The following SI variants were observed in gnomAD, a reference collection of about 807,000 sequenced individuals.
SI encodes the protein sucrase-isomaltase, intestinal.
A neutral mutation model predicts 253.3 loss-of-function variants in SI; 235 were observed. That is an observed-to-expected ratio of 0.93 (90% CI 0.83 to 1.03). SI has a LOEUF of 1.03. Ranked by LOEUF, SI falls within the 50% of genes least tolerant of loss-of-function variation. The probability of loss-of-function intolerance (pLI) is 0.00; values close to 1 mark genes in which losing one functional copy is unlikely to be tolerated. For missense variants in SI, 2,442 were observed against 2,211.1 expected (o/e 1.10, Z -2.09); for synonymous variants, 819 against 712.0 (o/e 1.15, Z -2.39).
intron 21 of SI, among the ~76,000 whole-genome samples, chr3:165,037,569 C>G (rs547553369): frequency 8.6e-5 from 13 of 151,918 alleles, no homozygotes; most frequent in African/African-American, 3.1e-4. Flanking sequence ...TAAAAATTAA[C>G]AAATACTTCA....
intron 22 of SI, 107 bp from the exon 23 acceptor site, chr3:165,033,551 T>A (rs1712360752): frequency 9.2e-7 from 1 of 1,081,524 alleles, no homozygotes; most frequent in Admixed American, 4.2e-5. Flanking sequence ...AGATGCTGTT[T>A]ATTAATGAAG....
chr3:165,028,970 C>G (rs770700790), intron 25 of SI, among the ~76,000 whole-genome samples: 2 of 151,486 alleles, frequency 1.3e-5, no homozygotes, highest in Non-Finnish European at 3.0e-5. Context: ...AAGGAACAGT[C>G]AGCAGAGTAA....
At chr3:165,025,526 G>T (rs933119539) in intron 25 of SI, among the ~76,000 whole-genome samples, 1 of 151,096 alleles carries the variant, frequency 6.6e-6, no homozygotes, top group Non-Finnish European at 1.5e-5. Context: ...TCGCAAAAAG[G>T]TCATTGCCTA....
chr3:165,040,046 T>C (rs1033480131), intron 18 of SI, 75 bp from the exon 19 acceptor site: 12 of 1,165,690 alleles, frequency 1.0e-5, no homozygotes, highest in Admixed American at 6.8e-5. Context: ...CAGTTTATCT[T>C]TTCAGTTTTT....
At chr3:165,059,146 T>A (rs1560012369) in intron 11 of SI, 22 bp downstream of exon 11, 1 of 1,611,974 alleles carries the variant, frequency 6.2e-7, no homozygotes, top group South Asian at 1.1e-5. Context: ...TAAAAATGTA[T>A]TAAGGTATAA....
chr3:165,040,526 G>A (rs1712764017), intron 18 of SI, among the ~76,000 whole-genome samples: 1 of 151,944 alleles, frequency 6.6e-6, no homozygotes, highest in Non-Finnish European at 1.5e-5. Flanking sequence ...GGATCTTTAA[G>A]TCATCACAGA....
At chr3:165,065,232 T>C (rs553242988) in intron 7 of SI, 29 bp downstream of exon 7, 1 of 1,468,092 alleles carries the variant, frequency 6.8e-7, no homozygotes, top group Non-Finnish European at 9.5e-7. Flanking sequence ...ATAGTGATTT[T>C]ATTTATAACA....
At chr3:164,992,069 CTCTTT>C in intron 43 of SI, 103 bp downstream of exon 43, 4 of 933,260 alleles carry the variant, frequency 4.3e-6, no homozygotes, top group Non-Finnish European at 7.1e-6. Context: ...TTACTTTCCA[CTCTTT>C]TTAAGTGGAA....
chr3:165,055,149 T>A (rs1346619420), intron 13 of SI, 45 bp downstream of exon 13: 4 of 1,088,012 alleles, frequency 3.7e-6, no homozygotes, highest in Non-Finnish European at 4.3e-6. Context: ...GATAAATAAG[T>A]CTATGGTCAT....
chr3:165,008,834 T>A (rs545510401), intron 35 of SI, among the ~76,000 whole-genome samples: 2 of 151,870 alleles, frequency 1.3e-5, no homozygotes, highest in Non-Finnish European at 2.9e-5. Flanking sequence ...ATTATTTTTA[T>A]GCTATCTAAA....
At position 165,037,994 on chromosome 3, in the gene SI, C is replaced by T. The variant is rs1166883862; in HGVS notation, c.2332G>A (p.Val778Ile). 6.2e-7 allele frequency: 1 copy of T among 1,604,322 alleles called. No homozygotes were observed. The highest frequency in any genetic ancestry group is 1.7e-5 in the Admixed American group (1 of 59,798). ...TTGTCTGCTGGAAGATACATATCAACCCGTTGTTTCCTCCATGGCCTTTTT... is the reference window on the plus strand; with the variant it reads ...TTGTCTGCTGGAAGATACATATCAATCCGTTGTTTCCTCCATGGCCTTTTT... ...GAKRPWRKQR[V>I]DMYLPADKIG... The change falls in exon 21 of 48, where the codon GTT (valine) becomes ATT (isoleucine). Residue 778 changes from valine (V) to isoleucine (I), a missense_variant. Transcript: ENST00000264382.
At chr3:164,987,076 C>T (rs766446162) in intron 45 of SI, 62 bp downstream of exon 45, 45 of 1,247,300 alleles carry the variant, frequency 3.6e-5, no homozygotes, top group African/African-American at 7.4e-5. Context: ...TAATAGATAA[C>T]GTAAAAGTAA....
At chr3:165,085,915 G>A in the SI span, among the ~76,000 whole-genome samples, 4 of 152,078 alleles carry the variant, frequency 2.6e-5, no homozygotes, top group Non-Finnish European at 4.4e-5. Context: ...CAGACTAATA[G>A]TTGGGGTTCA....
chr3:165,024,734 CA>C (rs1262089730), intron 25 of SI, among the ~76,000 whole-genome samples: 1 of 151,112 alleles, frequency 6.6e-6, no homozygotes, highest in Admixed American at 6.6e-5. Context: ...TTATTTTTCT[CA>C]TTTTTTTAGA....
At chr3:165,036,653 A>G (rs1313738168) in intron 21 of SI, among the ~76,000 whole-genome samples, 176 bp from the exon 22 acceptor site, 1 of 151,914 alleles carries the variant, frequency 6.6e-6, no homozygotes, top group Non-Finnish European at 1.5e-5. Context: ...CAATGTTCTT[A>G]TGTGAATACC....
At chr3:165,066,747 A>C (rs1714268684) in intron 6 of SI, among the ~76,000 whole-genome samples, 1 of 151,996 alleles carries the variant, frequency 6.6e-6, no homozygotes, top group Non-Finnish European at 1.5e-5. Flanking sequence ...ACAAAGTCAT[A>C]AACAAAAGTA....
In SI at chr3:165,069,322, G is replaced by A. The variant is rs1473364272; in HGVS notation, c.256-127C>T. The A allele has an allele frequency of 1.2e-5, 8 of 687,028 alleles. No homozygotes were observed. The East Asian group carries it at 1.9e-4, about 16-fold the overall frequency. 42.6% of individuals were successfully genotyped at this position (687,028 alleles called of 1,614,324 possible). On this transcript the variant is annotated intron_variant, in intron 3 of 47. Coordinates refer to ENST00000264382, the MANE Select transcript of SI (RefSeq NM_001041.4). The stretch of plus-strand genomic sequence containing the variant: ...TTCAAATGTATAATATGCCAAAATA[G>A]CATTTGCTCTTTTGTTTCTTCTACC...
Position 164,979,321 on chromosome 3 carries a change from T to C in SI, c.*41A>G, listed in dbSNP as rs750496465. On this transcript the variant is annotated 3_prime_UTR_variant, in exon 48 of 48. Coordinates refer to ENST00000264382, the MANE Select transcript of SI (RefSeq NM_001041.4). ...TGTAAGTGCTGTGAAACTTAAATCCTGGTGTTTTTTCCCATTGACAACTAA... is the reference window on the plus strand; with the variant it reads ...TGTAAGTGCTGTGAAACTTAAATCCCGGTGTTTTTTCCCATTGACAACTAA... 3.5e-6 allele frequency: 4 copies of C among 1,147,352 alleles called. No individual in the cohort carries two copies. Among genetic ancestry groups the C allele is most frequent in the Non-Finnish European group, 5.3e-6 (4 of 757,840 alleles). 71.1% of individuals were successfully genotyped at this position (1,147,352 alleles called of 1,614,324 possible). A position where few individuals can be genotyped will look rare whatever the true frequency, so the allele number is the denominator to read the frequency against.
intron 3 of SI, among the ~76,000 whole-genome samples, chr3:165,074,186 G>A (rs1421247989): frequency 6.6e-6 from 1 of 151,768 alleles, no homozygotes. Flanking sequence ...TACTCTACTG[G>A]AACATATATA....
Sources: allele counts gnomAD v4.1 joint callset (sites outside exome capture counted in the v4.1 genomes callset), GRCh38; gene constraint gnomAD v4.1.1; transcripts MANE v1.5; gene names NCBI Gene and HGNC (gene_info 2026-07-23, HGNC 2026-07-21).